Variants in PRKAR2B observed in about 807,000 individuals in gnomAD.
PRKAR2B encodes the protein cAMP-dependent protein kinase type II-beta regulatory subunit.
Under a neutral mutation model 49.9 loss-of-function variants are expected in PRKAR2B, and 14 were observed. The ratio of observed to expected loss-of-function variants is 0.28; its 90% CI spans 0.19 to 0.44. The LOEUF is 0.44. Ranked by LOEUF, PRKAR2B falls within the 20% of genes least tolerant of loss-of-function variation. The probability of loss-of-function intolerance (pLI) is 1.00; values close to 1 mark genes in which losing one functional copy is unlikely to be tolerated. For synonymous variants in PRKAR2B, 196 were observed against 197.7 expected, an observed-to-expected ratio of 0.99 and a Z score of 0.07; for missense variants, 393 against 537.9, an observed-to-expected ratio of 0.73 and a Z score of 2.67.
chr7:107,051,155 C>T (rs1475372223), intron 1 of PRKAR2B, among the ~76,000 whole-genome samples: 2 of 152,264 alleles, frequency 1.3e-5, no homozygotes, highest in South Asian at 2.1e-4. Context: ...CAACTGTTGC[C>T]AACATTTTGT....
chr7:107,138,664 C>T (rs910963526), intron 4 of PRKAR2B, among the ~76,000 whole-genome samples: 9 of 150,958 alleles, frequency 6.0e-5, no homozygotes, highest in African/African-American at 2.2e-4. Flanking sequence ...CCTCCAATCT[C>T]AGCCTCTCCT....
At position 107,118,697 on chromosome 7, in the gene PRKAR2B, TG is replaced by T. The variant is rs1584438030; in HGVS notation, c.344-3252del. ...TGGAGTTTCCAGAATTAGTTCTGTG[TG>T]GGTGAAAGGTCAAGATGTGACTCTC... On this transcript the variant is annotated intron_variant, in intron 2 of 10. Coordinates refer to ENST00000265717, the MANE Select transcript of PRKAR2B (RefSeq NM_002736.3). 2.0e-5 allele frequency among the ~76,000 whole-genome samples: 3 copies of T among 152,104 alleles called. No homozygotes were observed. In the East Asian group the frequency reaches 5.8e-4, roughly 29 times the overall value.
At chr7:107,094,866 T>C (rs1310182011) in intron 2 of PRKAR2B, among the ~76,000 whole-genome samples, 2 of 152,230 alleles carry the variant, frequency 1.3e-5, no homozygotes, top group African/African-American at 2.4e-5. Flanking sequence ...CATTGATCTA[T>C]ATCTGTTTTG....
At chr7:107,112,774 G>A (rs141314359) in intron 2 of PRKAR2B, among the ~76,000 whole-genome samples, 3 of 152,010 alleles carry the variant, frequency 2.0e-5, no homozygotes, top group Non-Finnish European at 2.9e-5. Flanking sequence ...GAATTGTATT[G>A]TTTTGTAAAT....
At chr7:107,124,929 A>G (rs1362597836) in intron 3 of PRKAR2B, among the ~76,000 whole-genome samples, 1 of 152,096 alleles carries the variant, frequency 6.6e-6, no homozygotes, top group Non-Finnish European at 1.5e-5. Context: ...CTCCTTTGCA[A>G]CTACTCAGTT....
chr7:107,058,650 G>A (rs1387708235), intron 1 of PRKAR2B, among the ~76,000 whole-genome samples: 5 of 152,088 alleles, frequency 3.3e-5, no homozygotes, highest in Middle Eastern at 3.2e-3. Flanking sequence ...ATAATTCCTT[G>A]AAATACCTTT....
intron 1 of PRKAR2B, among the ~76,000 whole-genome samples, chr7:107,057,866 T>C (rs371280707): frequency 1.3e-5 from 2 of 152,262 alleles, no homozygotes; most frequent in East Asian, 3.9e-4. Context: ...TGATTAGAAA[T>C]ATAAGCTAGA....
At chr7:107,129,907 G>T (rs1049906422) in intron 4 of PRKAR2B, among the ~76,000 whole-genome samples, 1 of 152,118 alleles carries the variant, frequency 6.6e-6, no homozygotes, top group African/African-American at 2.4e-5. Flanking sequence ...ACTTTGGTGG[G>T]TTTTGGCTGG....
intron 1 of PRKAR2B, among the ~76,000 whole-genome samples, chr7:107,046,758 A>G (rs982879287): frequency 6.6e-6 from 1 of 152,190 alleles, no homozygotes; most frequent in Non-Finnish European, 1.5e-5. Flanking sequence ...GTTCGTGCAC[A>G]CACACAAAGG....
At chr7:107,137,950 G>T (rs967607599) in intron 4 of PRKAR2B, among the ~76,000 whole-genome samples, 1 of 152,010 alleles carries the variant, frequency 6.6e-6, no homozygotes, top group Non-Finnish European at 1.5e-5. Context: ...GCACTTGAGT[G>T]TGCCCTTTTG....
In PRKAR2B at chr7:107,159,440, T is replaced by C. The variant is rs748488872; in HGVS notation, c.1124-9T>C. On this transcript the variant is annotated splice_polypyrimidine_tract_variant and intron_variant, in intron 10 of 10. Transcript: ENST00000265717. Reference sequence around the variant, plus strand: ...ATGTTATTTAAAAAAAAATCTTCTCTTTTCTCAGCAATGGATGTGCAAGCA... The same window carrying C: ...ATGTTATTTAAAAAAAAATCTTCTCCTTTCTCAGCAATGGATGTGCAAGCA... 17 of 1,611,438 alleles carry C rather than the reference T, an allele frequency of 1.1e-5. No homozygotes were observed. The highest frequency in any genetic ancestry group is 1.4e-5 in the Non-Finnish European group (17 of 1,179,322).
chr7:107,105,839 A>G (rs1451712840), intron 2 of PRKAR2B, among the ~76,000 whole-genome samples: 5 of 152,128 alleles, frequency 3.3e-5, no homozygotes, highest in African/African-American at 4.8e-5. Context: ...CTCGAGATGG[A>G]TAACCCTGAG....
chr7:107,091,187 G>T (rs570380939), intron 2 of PRKAR2B, among the ~76,000 whole-genome samples: 3 of 152,174 alleles, frequency 2.0e-5, no homozygotes, highest in Admixed American at 2.0e-4. Context: ...GTGCAAAAAG[G>T]ATCGTTTTTG....
chr7:107,051,170 T>C (rs541105188), intron 1 of PRKAR2B, among the ~76,000 whole-genome samples: 3 of 152,372 alleles, frequency 2.0e-5, no homozygotes, highest in Non-Finnish European at 2.9e-5. Flanking sequence ...TTTTGTGCGC[T>C]ATTTATATTA....
chr7:107,139,238 A>G (rs984508164), intron 4 of PRKAR2B, among the ~76,000 whole-genome samples: 1 of 152,220 alleles, frequency 6.6e-6, no homozygotes, highest in Admixed American at 6.5e-5. Context: ...CTGAGTAAGT[A>G]GGGCAGGCCT....
intron 2 of PRKAR2B, chr7:107,081,946 AAACAGG>A (rs1343413662): frequency 3.4e-4 from 52 of 152,322 alleles, no homozygotes; most frequent in African/African-American, 1.2e-3. Flanking sequence ...TCCCCTTTAA[AAACAGG>A]TATGGATACT....
intron 2 of PRKAR2B, among the ~76,000 whole-genome samples, chr7:107,070,705 A>C (rs981502981): frequency 6.6e-6 from 1 of 152,206 alleles, no homozygotes; most frequent in African/African-American, 2.4e-5. Flanking sequence ...AGGACACCTT[A>C]GAAACAGTGA....
Position 107,044,907 on chromosome 7 carries a change from G to A in PRKAR2B, c.-1G>A. 6.3e-7 allele frequency: 1 copy of A among 1,594,560 alleles called. No homozygotes were observed. Among genetic ancestry groups the A allele is most frequent in the Non-Finnish European group, 8.5e-7 (1 of 1,173,500 alleles). ...CAGGCGCCTGCCGCCCCGGAGGCAGGATGAGCATCGAGATCCCGGCGGGAC... is the reference window on the plus strand; with the variant it reads ...CAGGCGCCTGCCGCCCCGGAGGCAGAATGAGCATCGAGATCCCGGCGGGAC... On this transcript the variant is annotated 5_prime_UTR_variant, in exon 1 of 11. Coordinates refer to ENST00000265717, the MANE Select transcript of PRKAR2B (RefSeq NM_002736.3).
chr7:107,051,938 A>T (rs942936096), intron 1 of PRKAR2B, among the ~76,000 whole-genome samples: 11 of 152,184 alleles, frequency 7.2e-5, no homozygotes, highest in African/African-American at 2.4e-4. Context: ...AAGACAAAAT[A>T]GTCCATGGGA....
Sources: allele counts gnomAD v4.1 joint callset (sites outside exome capture counted in the v4.1 genomes callset), GRCh38; gene constraint gnomAD v4.1.1; transcripts MANE v1.5; gene names NCBI Gene and HGNC (gene_info 2026-07-23, HGNC 2026-07-21).